DIP2C: variants seen among roughly 807,000 people sequenced by gnomAD.
The protein encoded by DIP2C is DIP2 acetate--CoA ligase C (putative), also known as disco-interacting protein 2 homolog C.
A neutral mutation model predicts 192.4 loss-of-function variants in DIP2C; 33 were observed. The ratio of observed to expected loss-of-function variants is 0.17; its 90% CI spans 0.13 to 0.23. DIP2C has a LOEUF of 0.23. DIP2C is among the 10% of genes least tolerant of loss of function. The pLI, the probability that DIP2C is intolerant of heterozygous loss-of-function variation, is 1.00. For synonymous variants in DIP2C, 979 were observed against 864.1 expected (o/e 1.13, Z -2.33); for missense variants, 1,537 against 2,110.1 (o/e 0.73, Z 5.32).
chr10:449,852 T>G (rs1243168091), intron 3 of DIP2C, among the ~76,000 whole-genome samples: 1 of 143,766 alleles, frequency 7.0e-6, no homozygotes, highest in Non-Finnish European at 1.5e-5. Flanking sequence ...AATAAACTAT[T>G]AATAAAAACA....
At chr10:472,910 T>C (rs558506773) in intron 2 of DIP2C, among the ~76,000 whole-genome samples, 3 of 152,328 alleles carry the variant, frequency 2.0e-5, no homozygotes, top group South Asian at 2.1e-4. Flanking sequence ...GTAATAAATA[T>C]ACAGAATGAG....
intron 1 of DIP2C, among the ~76,000 whole-genome samples, chr10:515,801 C>T (rs1030208691): frequency 5.3e-5 from 8 of 152,066 alleles, no homozygotes; most frequent in Admixed American, 2.0e-4. Context: ...AGCAATCACA[C>T]GGCAATGGTT....
intron 13 of DIP2C, among the ~76,000 whole-genome samples, chr10:389,769 C>T (rs959327246): frequency 7.2e-5 from 11 of 152,246 alleles, no homozygotes; most frequent in East Asian, 1.9e-4. Context: ...CTCAGACCTC[C>T]GCGCTGTGCG....
chr10:500,310 C>G (rs1845134202), intron 1 of DIP2C, among the ~76,000 whole-genome samples: 1 of 152,276 alleles, frequency 6.6e-6, no homozygotes. Context: ...CAGCCACCAG[C>G]CCTTGGCTGC....
intron 32 of DIP2C, among the ~76,000 whole-genome samples, chr10:302,141 A>G (rs1246812100): frequency 6.6e-6 from 1 of 152,194 alleles, no homozygotes; most frequent in Non-Finnish European, 1.5e-5. Context: ...GACTACATAC[A>G]CATAATTGTA....
At chr10:394,263 G>A (rs547185331) in intron 10 of DIP2C, among the ~76,000 whole-genome samples, 19 of 151,444 alleles carry the variant, frequency 1.3e-4, no homozygotes, top group Non-Finnish European at 1.8e-4. Flanking sequence ...GTGCTGAACC[G>A]GAAGGACATT....
In DIP2C at chr10:363,425, C is replaced by A. The variant is rs1564617091; in HGVS notation, c.2478-114G>T. On this transcript the variant is annotated intron_variant, in intron 20 of 36. Transcript: ENST00000280886. The surrounding 1 kb of genome is among the most constrained non-coding windows in gnomAD (Gnocchi z 5.4). Reference sequence around the variant, plus strand: ...GTGAGTGACACAGCTCCAACTACGACTTCAAAACGGCCGCTGTACTTCCGA... The same window carrying A: ...GTGAGTGACACAGCTCCAACTACGAATTCAAAACGGCCGCTGTACTTCCGA... 2.0e-5 allele frequency: 17 copies of A among 838,118 alleles called. No individual in the cohort carries two copies. The highest frequency in any genetic ancestry group is 3.0e-5 in the Non-Finnish European group (16 of 527,912). 51.9% of individuals were successfully genotyped at this position (838,118 alleles called of 1,614,324 possible).
chr10:296,987 T>C (rs1179046764), intron 32 of DIP2C, among the ~76,000 whole-genome samples: 1 of 151,690 alleles, frequency 6.6e-6, no homozygotes, highest in East Asian at 1.9e-4. Context: ...TGTATACATA[T>C]GTAACAAACC....
chr10:359,680 C>G (rs1159492947), intron 22 of DIP2C, among the ~76,000 whole-genome samples: 1 of 152,148 alleles, frequency 6.6e-6, no homozygotes, highest in African/African-American at 2.4e-5. Context: ...TCTCCAAACA[C>G]CTGGGAGCCC....
At chr10:351,598 A>C (rs1214649074) in intron 24 of DIP2C, among the ~76,000 whole-genome samples, 1 of 152,206 alleles carries the variant, frequency 6.6e-6, no homozygotes, top group Non-Finnish European at 1.5e-5. Flanking sequence ...CACTTAGAGG[A>C]CACCTAAAAA....
intron 1 of DIP2C, among the ~76,000 whole-genome samples, chr10:599,720 T>C (rs78569481): frequency 6.3e-4 from 96 of 152,186 alleles, no homozygotes; most frequent in African/African-American, 2.2e-3. Flanking sequence ...AGTACTCAAC[T>C]GCAACCCTCA....
intron 29 of DIP2C, among the ~76,000 whole-genome samples, chr10:340,073 C>A (rs185908610): frequency 6.6e-6 from 1 of 151,718 alleles, no homozygotes; most frequent in Admixed American, 6.6e-5. Context: ...CCCAGCTACT[C>A]GGGAGGCTGA....
At chr10:682,201 A>G (rs1831160271) in intron 1 of DIP2C, among the ~76,000 whole-genome samples, 1 of 152,206 alleles carries the variant, frequency 6.6e-6, no homozygotes, top group African/African-American at 2.4e-5. Flanking sequence ...GCAGCAACGC[A>G]CTCAGGACCC....
chr10:418,694 TA>T (rs1451950510), intron 6 of DIP2C, among the ~76,000 whole-genome samples: 1 of 152,262 alleles, frequency 6.6e-6, no homozygotes, highest in African/African-American at 2.4e-5. Flanking sequence ...GTTGTACATT[TA>T]ACTTCATCTT....
intron 9 of DIP2C, among the ~76,000 whole-genome samples, chr10:406,088 CAGG>C (rs1184517045): frequency 2.6e-5 from 4 of 152,184 alleles, no homozygotes; most frequent in African/African-American, 9.7e-5. Flanking sequence ...TAGAGGAACA[CAGG>C]AGTTTATTTT....
In DIP2C at chr10:689,438, G is replaced by T; in HGVS notation, c.85+56C>A. ...GCAGGCCCCGCGCCCCCAGCCCTCC[G>T]CGCGCGGCCCTCCCCGGTGACAGCG... On this transcript the variant is annotated intron_variant, in intron 1 of 36. Coordinates refer to ENST00000280886, the MANE Select transcript of DIP2C (RefSeq NM_014974.3). This position sits in a 1 kb window ranked among gnomAD's most constrained non-coding sequence, Gnocchi z 6.1. The T allele has an allele frequency of 9.9e-7, 1 of 1,007,272 alleles. No individual in the cohort carries two copies. Among genetic ancestry groups the T allele is most frequent in the Non-Finnish European group, 1.2e-6 (1 of 838,794 alleles). 62.4% of individuals were successfully genotyped at this position (1,007,272 alleles called of 1,614,324 possible). A position where few individuals can be genotyped will look rare whatever the true frequency, so the allele number is the denominator to read the frequency against.
At chr10:464,329 A>G (rs1339701833) in intron 3 of DIP2C, among the ~76,000 whole-genome samples, 1 of 152,164 alleles carries the variant, frequency 6.6e-6, no homozygotes, top group Non-Finnish European at 1.5e-5. Context: ...AAGTGGACAA[A>G]GGTTATGAAC....
intron 3 of DIP2C, chr10:441,219 T>A: frequency 3.8e-6 from 2 of 528,678 alleles, no homozygotes; most frequent in Non-Finnish European, 6.5e-6. Flanking sequence ...TCCATATCCA[T>A]AAGCAAACAC....
chr10:436,476 C>T (rs1051590737), intron 4 of DIP2C, among the ~76,000 whole-genome samples: 14 of 152,166 alleles, frequency 9.2e-5, no homozygotes, highest in Admixed American at 5.9e-4. Context: ...TGGCATGCTC[C>T]GCCCACACCA....
Sources: allele counts gnomAD v4.1 joint callset (sites outside exome capture counted in the v4.1 genomes callset), GRCh38; gene constraint gnomAD v4.1.1; non-coding constraint Gnocchi (gnomAD v3.1); transcripts MANE v1.5; gene names NCBI Gene and HGNC (gene_info 2026-07-23, HGNC 2026-07-21).